NTNG1: variants seen among roughly 807,000 people sequenced by gnomAD.
NTNG1 encodes netrin G1.
NTNG1 carries 16 observed loss-of-function variants against 54.0 expected under a neutral mutation model. The ratio of observed to expected loss-of-function variants is 0.30; its 90% CI spans 0.20 to 0.45. The LOEUF is 0.45. NTNG1 is among the 20% of genes least tolerant of loss of function. The pLI is 1.00. For synonymous variants in NTNG1, 255 were observed against 263.1 expected (o/e 0.97, Z 0.30); for missense variants, 530 against 678.7 (o/e 0.78, Z 2.43).
chr1:107,479,190 G>T (rs769719522), intron 7 of NTNG1, among the ~76,000 whole-genome samples: 36 of 152,186 alleles, frequency 2.4e-4, no homozygotes, highest in Non-Finnish European at 4.3e-4. Context: ...TAAAACAGTG[G>T]TCTATTTAGG....
chr1:107,213,200 A>T (rs1659706452), intron 2 of NTNG1, among the ~76,000 whole-genome samples: 1 of 152,022 alleles, frequency 6.6e-6, no homozygotes, highest in Admixed American at 6.6e-5. Context: ...CCATAAACTA[A>T]TTTGAATTGA....
At chr1:107,248,712 G>A (rs995443184) in intron 2 of NTNG1, among the ~76,000 whole-genome samples, 10 of 152,126 alleles carry the variant, frequency 6.6e-5, no homozygotes, top group Non-Finnish European at 1.5e-4. Flanking sequence ...GAAAATGCAA[G>A]ACTGTTCTTT....
chr1:107,463,634 G>A (rs1032719390), intron 7 of NTNG1, among the ~76,000 whole-genome samples: 1 of 151,570 alleles, frequency 6.6e-6, no homozygotes, highest in Non-Finnish European at 1.5e-5. Flanking sequence ...AGCTATTTAA[G>A]CATTACATCA....
At chr1:107,433,870 A>G (rs146457960) in intron 6 of NTNG1, among the ~76,000 whole-genome samples, 22 of 152,282 alleles carry the variant, frequency 1.4e-4, no homozygotes, top group African/African-American at 4.6e-4. Context: ...CTCCTTTGCT[A>G]AGGTTTGCCC....
chr1:107,457,762 T>C (rs1466569632), intron 7 of NTNG1, among the ~76,000 whole-genome samples: 1 of 152,114 alleles, frequency 6.6e-6, no homozygotes, highest in African/African-American at 2.4e-5. Flanking sequence ...GAGTTTGTAG[T>C]GTGGGGATGT....
intron 7 of NTNG1, among the ~76,000 whole-genome samples, chr1:107,453,554 G>T (rs1037407351): frequency 6.6e-6 from 1 of 152,112 alleles, no homozygotes; most frequent in African/African-American, 2.4e-5. Flanking sequence ...CCTCCCAGGG[G>T]GTTTCTTCGG....
At chr1:107,306,390 G>T (rs1010122296) in intron 2 of NTNG1, among the ~76,000 whole-genome samples, 3 of 152,160 alleles carry the variant, frequency 2.0e-5, no homozygotes, top group African/African-American at 7.2e-5. Context: ...CAAGTGTTCA[G>T]TACCTTCATG....
chr1:107,387,270 A>G (rs745728487), intron 3 of NTNG1, among the ~76,000 whole-genome samples: 1 of 152,248 alleles, frequency 6.6e-6, no homozygotes, highest in Non-Finnish European at 1.5e-5. Flanking sequence ...CCAGTTTGTG[A>G]GTACAGCTAG....
intron 2 of NTNG1, among the ~76,000 whole-genome samples, chr1:107,218,123 C>T (rs1236065056): frequency 6.6e-6 from 1 of 152,052 alleles, no homozygotes; most frequent in African/African-American, 2.4e-5. Flanking sequence ...TTTATAAATT[C>T]GGGATCCCCA....
intron 2 of NTNG1, among the ~76,000 whole-genome samples, chr1:107,287,263 T>TA (rs946849520): frequency 5.4e-4 from 81 of 150,496 alleles, no homozygotes; most frequent in Middle Eastern, 3.5e-3. Context: ...TCTCAACCAA[T>TA]AAAAAAAAAG....
chr1:107,179,281 C>G (rs1358227379), intron 2 of NTNG1, among the ~76,000 whole-genome samples: 2 of 152,180 alleles, frequency 1.3e-5, no homozygotes, highest in Non-Finnish European at 1.5e-5. Flanking sequence ...ATCCAAAAGA[C>G]TTAAACCTTT....
At chr1:107,161,383 G>A (rs116563908) in intron 2 of NTNG1, among the ~76,000 whole-genome samples, 3,056 of 152,118 alleles carry the variant, frequency 0.02, 79 homozygotes, top group African/African-American at 0.069. Flanking sequence ...CTTATAGGCC[G>A]GGTGTGGTGG....
At position 107,405,898 on chromosome 1, in the gene NTNG1, C is replaced by T. The variant is rs573296540; in HGVS notation, c.1061-1784C>T. On this transcript the variant is annotated intron_variant, in intron 4 of 7. Coordinates refer to ENST00000370068, the MANE Select transcript of NTNG1 (RefSeq NM_001113226.3). ...AAAATAAAGATTCAGTATCAAGTCA[C>T]TGTCACACTGCAGCAGAGGTAGTCT... is the stretch of plus-strand genomic sequence containing the variant. 2.0e-5 allele frequency among the ~76,000 whole-genome samples: 3 copies of T among 152,242 alleles called. No individual in the cohort carries two copies. The South Asian group carries it at 6.2e-4, about 32-fold the overall frequency.
At chr1:107,185,266 C>T (rs1049624146) in intron 2 of NTNG1, among the ~76,000 whole-genome samples, 6 of 152,150 alleles carry the variant, frequency 3.9e-5, no homozygotes, top group South Asian at 2.1e-4. Flanking sequence ...AGAGGCCAGA[C>T]GTCTGAAATC....
At chr1:107,177,306 CT>C (rs945948020) in intron 2 of NTNG1, among the ~76,000 whole-genome samples, 1 of 151,984 alleles carries the variant, frequency 6.6e-6, no homozygotes, top group African/African-American at 2.4e-5. Context: ...ACCTGGTCTC[CT>C]TCTCCCCACT....
At chr1:107,170,925 C>T (rs893159369) in intron 2 of NTNG1, among the ~76,000 whole-genome samples, 3 of 152,042 alleles carry the variant, frequency 2.0e-5, no homozygotes, top group African/African-American at 7.2e-5. Context: ...TTCTTCATAT[C>T]TTAATAATGG....
Position 107,324,266 on chromosome 1 carries a change from T to C in NTNG1, c.247-16T>C. The stretch of plus-strand genomic sequence containing the variant: ...ACCAGTGTTTTGATGCACGCTCTTT[T>C]GTTCTTCTTCCATAGGGCAATCCCT... On this transcript the variant is annotated splice_polypyrimidine_tract_variant and intron_variant, in intron 2 of 7. Transcript: ENST00000370068. 6.2e-7 allele frequency: 1 copy of C among 1,607,790 alleles called. No individual in the cohort carries two copies. Among genetic ancestry groups the C allele is most frequent in the East Asian group, 2.2e-5 (1 of 44,716 alleles).
At chr1:107,183,801 C>G (rs1478424992) in intron 2 of NTNG1, among the ~76,000 whole-genome samples, 1 of 152,116 alleles carries the variant, frequency 6.6e-6, no homozygotes, top group Non-Finnish European at 1.5e-5. Flanking sequence ...GTGATTTCCT[C>G]TCCTGCACTC....
At position 107,190,669 on chromosome 1, in the gene NTNG1, A is replaced by G. The variant is rs187873229; in HGVS notation, c.246+41830A>G. On this transcript the variant is annotated intron_variant, in intron 2 of 7. Coordinates refer to ENST00000370068, the MANE Select transcript of NTNG1 (RefSeq NM_001113226.3). The stretch of plus-strand genomic sequence containing the variant: ...TCAGTTCCCACCTATGAGTGAGAAC[A>G]TGCGGTGTTTGGCTTTTTGTCCTTG... 6.9e-3 allele frequency among the ~76,000 whole-genome samples: 1,050 copies of G among 152,184 alleles called. 11 individuals carry two copies. The highest frequency in any genetic ancestry group is 0.024 in the African/African-American group (1,004 of 41,516).
Sources: allele counts gnomAD v4.1 joint callset (sites outside exome capture counted in the v4.1 genomes callset), GRCh38; gene constraint gnomAD v4.1.1; transcripts MANE v1.5; gene names NCBI Gene and HGNC (gene_info 2026-07-23, HGNC 2026-07-21).